Variants in TNIP1 observed in about 807,000 individuals in gnomAD.
TNIP1 encodes the protein TNFAIP3 interacting protein 1.
In TNIP1, 22 loss-of-function variants were observed where a neutral mutation model predicts 86.6. The observed-to-expected ratio is 0.25, with a 90% CI of 0.18 to 0.36. The LOEUF (loss-of-function observed/expected upper bound fraction) is 0.36, where lower values mean the gene tolerates loss of function less well. TNIP1 is among the 10% of genes least tolerant of loss of function. TNIP1 has a pLI of 1.00. For synonymous variants in TNIP1, 294 were observed against 313.0 expected, an observed-to-expected ratio of 0.94 and a Z score of 0.64; for missense variants, 709 against 820.6, an observed-to-expected ratio of 0.86 and a Z score of 1.66.
intron 1 of TNIP1, among the ~76,000 whole-genome samples, chr5:151,074,624 G>A (rs1016576942): frequency 1.3e-5 from 2 of 152,236 alleles, no homozygotes; most frequent in African/African-American, 4.8e-5. Flanking sequence ...GGGCTGGACA[G>A]GGGCTGAGGT....
Position 151,030,716 on chromosome 5 carries a change from C to T in TNIP1, c.1908G>A (p.Gln636=), listed in dbSNP as rs1245384489. 6.2e-7 allele frequency: 1 copy of T among 1,613,630 alleles called. No homozygotes were observed. The highest frequency in any genetic ancestry group is 1.1e-5 in the South Asian group (1 of 90,972). ...ESPKNDREGP[Q] ...AGCCAAATGACACAATCTGGTCTCACTGAGGCCCCTCACGGTCATTTTTTG... is the reference window on the plus strand; with the variant it reads ...AGCCAAATGACACAATCTGGTCTCATTGAGGCCCCTCACGGTCATTTTTTG... Residue 636 remains glutamine (Q), a synonymous_variant, in exon 18 of 18, where the codon CAG becomes CAA. Coordinates refer to ENST00000521591, the MANE Select transcript of TNIP1 (RefSeq NM_006058.5).
In TNIP1 at chr5:151,044,511, A is replaced by G. The variant is rs138784491; in HGVS notation, c.936+1350T>C. On this transcript the variant is annotated intron_variant, in intron 9 of 17. Transcript: ENST00000521591. The stretch of plus-strand genomic sequence containing the variant: ...TTTTCTCTAGGAGGTGGTATTCTTG[A>G]TCTTTTTGTAATGAGCATTATATCA... Among the ~76,000 whole-genome samples the G allele has an allele frequency of 5.4e-4, 83 of 152,302 alleles. 1 individual carries two copies. The East Asian group carries it at 0.015, about 27-fold the overall frequency.
intron 1 of TNIP1, among the ~76,000 whole-genome samples, chr5:151,071,160 G>A (rs575974898): frequency 6.6e-6 from 1 of 152,264 alleles, no homozygotes; most frequent in African/African-American, 2.4e-5. Context: ...TCTCCTGATG[G>A]CTGTCAGGTT....
intron 3 of TNIP1, 48 bp downstream of exon 3, chr5:151,063,565 C>A (rs1204220438): frequency 1.3e-6 from 2 of 1,595,240 alleles, no homozygotes; most frequent in Non-Finnish European, 1.7e-6. Context: ...AGGATTTGGG[C>A]AGTTTGGGGT....
chr5:151,043,775 T>TAA (rs113496459), intron 9 of TNIP1, among the ~76,000 whole-genome samples: 17 of 141,658 alleles, frequency 1.2e-4, no homozygotes, highest in African/African-American at 4.4e-4. Flanking sequence ...GACCCTATCT[T>TAA]AAAAAAAAAA....
At chr5:151,077,435 T>C (rs1047332923) in intron 1 of TNIP1, among the ~76,000 whole-genome samples, 8 of 152,220 alleles carry the variant, frequency 5.3e-5, no homozygotes, top group South Asian at 2.1e-4. Context: ...TTAACGATAA[T>C]AGCAGCGACC....
At chr5:151,083,335 A>G (rs1216497670), upstream of TNIP1, among the ~76,000 whole-genome samples, 1 of 152,236 alleles carries the variant, frequency 6.6e-6, no homozygotes, top group Non-Finnish European at 1.5e-5. Context: ...AGTGGTGTCT[A>G]GATGTGGGCT....
At chr5:151,046,079 C>G (rs1759127896) in intron 8 of TNIP1, 129 bp from the exon 9 acceptor site, 1 of 725,214 alleles carries the variant, frequency 1.4e-6, no homozygotes, top group Admixed American at 2.2e-5. Flanking sequence ...TCCCACCCAG[C>G]AGGACACCAC....
At chr5:151,055,077 C>A (rs546850092) in intron 6 of TNIP1, among the ~76,000 whole-genome samples, 1 of 152,170 alleles carries the variant, frequency 6.6e-6, no homozygotes, top group Non-Finnish European at 1.5e-5. Context: ...CAAGGTGCTA[C>A]GAGAGCTATG....
intron 6 of TNIP1, among the ~76,000 whole-genome samples, chr5:151,054,743 A>T (rs1760422929): frequency 6.6e-6 from 1 of 152,260 alleles, no homozygotes; most frequent in African/African-American, 2.4e-5. Flanking sequence ...TGCCTAGCAG[A>T]GAGCCTTATG....
intron 11 of TNIP1, among the ~76,000 whole-genome samples, chr5:151,040,153 C>T (rs893527704): frequency 6.6e-6 from 1 of 152,196 alleles, no homozygotes; most frequent in Non-Finnish European, 1.5e-5. Context: ...AGGCACATCC[C>T]CAAATAAACT....
At chr5:151,032,077 C>T in intron 17 of TNIP1, 1 of 573,818 alleles carries the variant, frequency 1.7e-6, no homozygotes, top group Non-Finnish European at 3.1e-6. Context: ...TAGCACAATG[C>T]CTGGCATTAG....
At chr5:151,055,077 C>T (rs546850092) in intron 6 of TNIP1, among the ~76,000 whole-genome samples, 14 of 152,288 alleles carry the variant, frequency 9.2e-5, no homozygotes, top group African/African-American at 2.9e-4. Flanking sequence ...CAAGGTGCTA[C>T]GAGAGCTATG....
chr5:151,039,021 G>A lies in TNIP1; in HGVS notation c.1263+76C>T, dbSNP rs1205950740. On this transcript the variant is annotated intron_variant, in intron 12 of 17. Coordinates refer to ENST00000521591, the MANE Select transcript of TNIP1 (RefSeq NM_006058.5). Reference sequence around the variant, plus strand: ...TACCCTTCCTAAGCTGAATGGTTGGGGGTGCCAGTGATGGGGTGGGCATTG... The same window carrying A: ...TACCCTTCCTAAGCTGAATGGTTGGAGGTGCCAGTGATGGGGTGGGCATTG... The A allele has an allele frequency of 3.2e-6, 5 of 1,545,858 alleles. No individual in the cohort carries two copies. The South Asian group carries it at 4.9e-5, about 15-fold the overall frequency.
Position 151,032,296 on chromosome 5 carries a change from T to G in TNIP1, c.1867A>C (p.Thr623Pro), listed in dbSNP as rs752073258. ...QVMDPPTARP[T>P]EPESPKNDRE... is the part of the protein sequence containing the mutation. ...AGTATTAGGGGCTCACCTGGTTCTG[T>G]AGGCCTGGCTGTGGGAGGGTCCATC... The change falls in exon 17 of 18, where the codon ACA (threonine) becomes CCA (proline). Residue 623 changes from threonine to proline, a missense_variant. By Grantham distance (38) the Thr-to-Pro change is conservative (BLOSUM62 -1). Transcript: ENST00000521591. 6.2e-7 allele frequency: 1 copy of G among 1,613,728 alleles called. No homozygotes were observed. The highest frequency in any genetic ancestry group is 8.5e-7 in the Non-Finnish European group (1 of 1,179,866).
At chr5:151,046,840 A>G (rs1268155660) in intron 8 of TNIP1, among the ~76,000 whole-genome samples, 3 of 152,238 alleles carry the variant, frequency 2.0e-5, no homozygotes, top group African/African-American at 7.2e-5. Context: ...TCATACTGAT[A>G]GAACAAAATA....
chr5:151,038,953 C>A (rs1758051671), intron 12 of TNIP1, 144 bp downstream of exon 12: 2 of 1,158,624 alleles, frequency 1.7e-6, no homozygotes, highest in Non-Finnish European at 2.4e-6. Flanking sequence ...GAGGCAATGG[C>A]AGAGCAGGCG....
chr5:151,039,455 A>T (rs976003985), intron 11 of TNIP1, among the ~76,000 whole-genome samples: 10 of 152,298 alleles, frequency 6.6e-5, no homozygotes, highest in African/African-American at 2.4e-4. Context: ...AGCTCAGTTG[A>T]GTAAAAGACC....
intron 1 of TNIP1, among the ~76,000 whole-genome samples, chr5:151,086,869 C>A (rs922316639): frequency 1.8e-4 from 28 of 152,240 alleles, no homozygotes; most frequent in African/African-American, 5.8e-4. Flanking sequence ...GGAGAGAAGA[C>A]AGTGGAGAAG....
Sources: gnomAD v4.1 joint callset for allele counts (sites outside exome capture counted in the v4.1 genomes callset) on GRCh38, gnomAD v4.1.1 for gene constraint, MANE v1.5 for transcripts, NCBI Gene and HGNC (gene_info 2026-07-23, HGNC 2026-07-21) for gene names.